The following GULP1 variants were observed in gnomAD, a reference collection of about 807,000 sequenced individuals.
GULP1 encodes the protein PTB domain-containing engulfment adapter protein 1.
A neutral mutation model predicts 40.9 loss-of-function variants in GULP1; 19 were observed. The ratio of observed to expected loss-of-function variants is 0.46; its 90% CI spans 0.32 to 0.68. The LOEUF (loss-of-function observed/expected upper bound fraction) is 0.68. Among genes scored for constraint, GULP1 ranks in the 30% least tolerant of loss-of-function variants. GULP1 has a pLI of 0.03. For missense variants in GULP1, 312 were observed against 362.2 expected, an observed-to-expected ratio of 0.86 and a Z score of 1.12; for synonymous variants, 119 against 117.6, an observed-to-expected ratio of 1.01 and a Z score of -0.08.
chr2:188,378,541 A>G (rs2048597986), intron 1 of GULP1, among the ~76,000 whole-genome samples: 1 of 152,200 alleles, frequency 6.6e-6, no homozygotes, highest in Non-Finnish European at 1.5e-5. Flanking sequence ...TATACGACAC[A>G]TGGTGCCACC....
intron 3 of GULP1, among the ~76,000 whole-genome samples, chr2:188,480,015 C>T (rs868403338): frequency 1.1e-4 from 17 of 152,178 alleles, no homozygotes; most frequent in Middle Eastern, 6.8e-3. Flanking sequence ...TTACTCCAAC[C>T]TGAAGTTAAA....
In GULP1 at chr2:188,292,921, C is replaced by T. The variant is rs1384810642; in HGVS notation, c.-172+755C>T. 1.3e-5 allele frequency: 2 copies of T among 152,442 alleles called. No homozygotes were observed. The highest frequency in any genetic ancestry group is 4.8e-5 in the African/African-American group (2 of 41,470). The allele number at this position is 152,442 out of a possible 1,614,324, so 9.4% of individuals were successfully genotyped here. On this transcript the variant is annotated intron_variant, in intron 1 of 11. Transcript: ENST00000409830. The surrounding 1 kb of genome is among the most constrained non-coding windows in gnomAD (Gnocchi z 4.0). ...CTTGGCCGGGTCCACCTTCTCGTGG[C>T]CTCACTCGCCACACGGATCAGAATC...
intron 6 of GULP1, among the ~76,000 whole-genome samples, chr2:188,537,363 T>A (rs938717884): frequency 6.6e-6 from 1 of 152,100 alleles, no homozygotes; most frequent in Non-Finnish European, 1.5e-5. Flanking sequence ...GTTCCTTCAA[T>A]GCCTAGTTTG....
chr2:188,403,104 TC>T (rs1319964114), intron 2 of GULP1, among the ~76,000 whole-genome samples: 1 of 152,106 alleles, frequency 6.6e-6, no homozygotes, highest in African/African-American at 2.4e-5. Context: ...TCCCTTGTCA[TC>T]TTATTATGAG....
At chr2:188,530,579 G>A (rs1263254422) in intron 6 of GULP1, among the ~76,000 whole-genome samples, 2 of 152,128 alleles carry the variant, frequency 1.3e-5, no homozygotes, top group African/African-American at 4.8e-5. Flanking sequence ...TACAAAAAGA[G>A]GAAGAGACAC....
chr2:188,422,324 A>T (rs1423561660), intron 2 of GULP1, among the ~76,000 whole-genome samples: 1 of 151,450 alleles, frequency 6.6e-6, no homozygotes, highest in East Asian at 1.9e-4. Flanking sequence ...TGATGTATTG[A>T]TTGGTTAATT....
At chr2:188,456,370 T>C (rs1028945901) in intron 2 of GULP1, among the ~76,000 whole-genome samples, 1 of 152,298 alleles carries the variant, frequency 6.6e-6, no homozygotes, top group Admixed American at 6.5e-5. Flanking sequence ...CCGTGCTGTG[T>C]GCAGCCTAGG....
At chr2:188,413,846 G>C (rs551226694) in intron 2 of GULP1, among the ~76,000 whole-genome samples, 1 of 152,104 alleles carries the variant, frequency 6.6e-6, no homozygotes, top group Non-Finnish European at 1.5e-5. Context: ...TTTTGTGTTT[G>C]TTAAGAGATG....
At chr2:188,422,844 A>G (rs187423008) in intron 2 of GULP1, among the ~76,000 whole-genome samples, 3 of 152,238 alleles carry the variant, frequency 2.0e-5, no homozygotes, top group Admixed American at 1.3e-4. Flanking sequence ...GTGACCATAC[A>G]TGAGAACAGT....
rs143139821 is a variant in GULP1 at position 188,473,896 on chromosome 2, G to A, written c.-44-3763G>A. On this transcript the variant is annotated intron_variant, in intron 2 of 11. Coordinates refer to ENST00000409830, the MANE Select transcript of GULP1 (RefSeq NM_016315.4). ...GGGAATGTGCTGAGTCTCACTTGAA[G>A]CCAGCAAGCCTCAGAGTCTCACCCA... is the stretch of plus-strand genomic sequence containing the variant. Among the ~76,000 whole-genome samples the A allele has an allele frequency of 4.6e-3, 699 of 152,292 alleles. 11 individuals are homozygous for A. Among genetic ancestry groups the A allele is most frequent in the African/African-American group, 0.015 (623 of 41,566 alleles).
At chr2:188,427,510 C>T (rs1242884357) in intron 2 of GULP1, among the ~76,000 whole-genome samples, 1 of 152,202 alleles carries the variant, frequency 6.6e-6, no homozygotes, top group Non-Finnish European at 1.5e-5. Context: ...CCTGCACAGA[C>T]TTGGGACACT....
chr2:188,584,222 G>T, intron 9 of GULP1, 43 bp from the exon 10 acceptor site: 1 of 1,315,558 alleles, frequency 7.6e-7, no homozygotes, highest in Non-Finnish European at 1.1e-6. Flanking sequence ...ATTACAATGT[G>T]TCTATATGAA....
At chr2:188,472,038 T>A (rs2060631699) in intron 2 of GULP1, among the ~76,000 whole-genome samples, 1 of 152,224 alleles carries the variant, frequency 6.6e-6, no homozygotes, top group Non-Finnish European at 1.5e-5. Context: ...TCACTGTATA[T>A]ACTATTCTAG....
At chr2:188,446,811 A>G (rs2058427328) in intron 2 of GULP1, among the ~76,000 whole-genome samples, 1 of 151,474 alleles carries the variant, frequency 6.6e-6, no homozygotes, top group South Asian at 2.1e-4. Flanking sequence ...CTTGCTAGAC[A>G]TTTGACATAT....
chr2:188,592,272 C>T (rs771774483), intron 11 of GULP1: 3 of 151,962 alleles, frequency 2.0e-5, no homozygotes, highest in Non-Finnish European at 4.4e-5. Context: ...ACATGTAACT[C>T]TCTTTCTATC....
At chr2:188,399,694 A>AC (rs1454380584) in intron 2 of GULP1, among the ~76,000 whole-genome samples, 17 of 147,498 alleles carry the variant, frequency 1.2e-4, no homozygotes, top group African/African-American at 4.2e-4. Flanking sequence ...CTACAAGAAA[A>AC]AAAAAAAAAA....
chr2:188,327,409 G>C (rs1408629650), intron 1 of GULP1, among the ~76,000 whole-genome samples: 1 of 152,070 alleles, frequency 6.6e-6, no homozygotes, highest in Non-Finnish European at 1.5e-5. Flanking sequence ...ATTTCTTTGG[G>C]GGAAAAGAGA....
chr2:188,330,133 G>A (rs900929146), intron 1 of GULP1, among the ~76,000 whole-genome samples: 7 of 151,936 alleles, frequency 4.6e-5, no homozygotes, highest in African/African-American at 1.7e-4. Flanking sequence ...TTATTTAGTT[G>A]GATATTTGTA....
At chr2:188,330,691 A>C (rs76181117) in intron 1 of GULP1, among the ~76,000 whole-genome samples, 11,214 of 152,294 alleles carry the variant, frequency 0.074, 594 homozygotes, top group Non-Finnish European at 0.1. Flanking sequence ...TAGGAGTCAG[A>C]AGTGTGGATT....
Sources: allele counts gnomAD v4.1 joint callset (sites outside exome capture counted in the v4.1 genomes callset), GRCh38; gene constraint gnomAD v4.1.1; non-coding constraint Gnocchi (gnomAD v3.1); transcripts MANE v1.5; gene names NCBI Gene and HGNC (gene_info 2026-07-23, HGNC 2026-07-21).